Variants in U2AF1 observed in about 807,000 individuals in gnomAD.
U2AF1 encodes the protein U2 small nuclear RNA auxiliary factor 1, also known as splicing factor U2AF 35 kDa subunit.
For synonymous variants in U2AF1, 8 were observed against 27.2 expected, an observed-to-expected ratio of 0.29 and a Z score of 2.20; for missense variants, 4 against 75.9, an observed-to-expected ratio of 0.05 and a Z score of 3.52.
At chr21:43,094,886 G>A in intron 5 of U2AF1, 98 bp from the exon 6 acceptor site, 1 of 668,922 alleles carries the variant, frequency 1.5e-6, no homozygotes, top group Non-Finnish European at 2.3e-6. Context: ...ACACACTCAG[G>A]TATAGTAAGG....
At position 43,097,582 on chromosome 21, in the gene U2AF1, G is replaced by A. The variant is rs945651220; in HGVS notation, c.200-1839C>T. On this transcript the variant is annotated intron_variant, in intron 3 of 7. Transcript: ENST00000291552. ...CACCCAACGTGGGCATCTGACTGCT[G>A]GCACACGGGTCTTTGAGCTTGCTCA... is the stretch of plus-strand genomic sequence containing the variant. 5 of 76,872 alleles carry A rather than the reference G, an allele frequency of 6.5e-5. 2 individuals carry two copies. Among genetic ancestry groups the A allele is most frequent in the Non-Finnish European group, 1.3e-4 (5 of 38,422 alleles). The allele number at this position is 76,872 out of a possible 1,614,324, so 4.8% of individuals were successfully genotyped here.
At chr21:43,097,928 A>G (rs537434976) in intron 3 of U2AF1, 1 of 110,522 alleles carries the variant, frequency 9.0e-6, no homozygotes, top group Non-Finnish European at 1.9e-5. Flanking sequence ...GTTATTTTTG[A>G]ACTTCCAGGA....
rs1984840123 is a variant in U2AF1, at chr21:43,107,232, A to G, written c.44+219T>C. ...CCGCGGCGCCCCGAAAAGAGACCCC[A>G]TTCATTCTGCCCGCTCCAGTTTTCC... On this transcript the variant is annotated intron_variant, in intron 1 of 7. Transcript: ENST00000291552. 3.6e-5 allele frequency among the ~76,000 whole-genome samples: 4 copies of G among 110,880 alleles called. 1 individual carries two copies. In the South Asian group the frequency reaches 9.9e-4, roughly 27 times the overall value. 72.7% of individuals were successfully genotyped at this position (110,880 alleles called of 152,430 possible).
At chr21:43,107,212 G>A (rs1254734463) in intron 1 of U2AF1, among the ~76,000 whole-genome samples, 1 of 112,796 alleles carries the variant, frequency 8.9e-6, no homozygotes, top group East Asian at 2.0e-4. Flanking sequence ...CTCGGCCGCG[G>A]CGCCCCGAAA....
At chr21:43,107,030 C>G (rs529128321) in intron 1 of U2AF1, among the ~76,000 whole-genome samples, 3 of 75,430 alleles carry the variant, frequency 4.0e-5, no homozygotes, top group Non-Finnish European at 8.1e-5. Context: ...GGTACCAGAG[C>G]TTGCTCGACA....
At position 43,107,553 on chromosome 21, in the gene U2AF1, A is replaced by AGT. The variant is rs1179748027; in HGVS notation, c.-60_-59insAC. The AGT allele has an allele frequency of 3.1e-6, 3 of 976,112 alleles. No homozygotes were observed. The highest frequency in any genetic ancestry group is 4.2e-6 in the Non-Finnish European group (3 of 708,054). The allele number at this position is 976,112 out of a possible 1,614,324, so 60.5% of individuals were successfully genotyped here. On this transcript the variant is annotated 5_prime_UTR_variant, in exon 1 of 8. Transcript: ENST00000291552. Reference sequence around the variant, plus strand: ...GCTGCCGACGCCGCCGACCCTGCCGACGCCCTCGGGAGACGTCACCCGGAC... The same window carrying AGT: ...GCTGCCGACGCCGCCGACCCTGCCGAGTCGCCCTCGGGAGACGTCACCCGGAC...
intron 3 of U2AF1, chr21:43,099,904 G>A (rs1172046614): frequency 1.2e-5 from 1 of 85,172 alleles, no homozygotes; most frequent in Admixed American, 1.2e-4. Flanking sequence ...AGGAAGAAGG[G>A]GCAGCAGCAG....
chr21:43,099,742 A>G (rs904586198), intron 3 of U2AF1: 1 of 6,122 alleles, frequency 1.6e-4, no homozygotes, highest in Non-Finnish European at 2.5e-4. Flanking sequence ...AAGGCTAATG[A>G]GAAATAAAAT....
intron 3 of U2AF1, among the ~76,000 whole-genome samples, chr21:43,097,354 G>C (rs191135621): frequency 8.1e-5 from 1 of 12,384 alleles, no homozygotes; most frequent in Middle Eastern, 0.017. Flanking sequence ...CTGACCTCAC[G>C]TGATCTGCTT....
chr21:43,097,372 C>A lies in U2AF1; in HGVS notation c.200-1629G>T, dbSNP rs142677101. Reference sequence around the variant, plus strand: ...ACCTCACGTGATCTGCTTACCTCAGCCTCCCAAAGTGCTGAGATTACAGGC... The same window carrying A: ...ACCTCACGTGATCTGCTTACCTCAGACTCCCAAAGTGCTGAGATTACAGGC... On this transcript the variant is annotated intron_variant, in intron 3 of 7. Coordinates refer to ENST00000291552, the MANE Select transcript of U2AF1 (RefSeq NM_006758.3). 5.3e-3 allele frequency among the ~76,000 whole-genome samples: 82 copies of A among 15,534 alleles called. 6 individuals carry two copies. The highest frequency in any genetic ancestry group is 0.033 in the African/African-American group (78 of 2,352). 10.2% of individuals were successfully genotyped at this position (15,534 alleles called of 152,430 possible).
chr21:43,107,241 G>C (rs1970689), intron 1 of U2AF1, among the ~76,000 whole-genome samples: 7,220 of 109,604 alleles, frequency 0.066, 2,474 homozygotes, highest in African/African-American at 0.27. Flanking sequence ...CATTCATTCT[G>C]CCCGCTCCAG....
Position 43,099,898 on chromosome 21 carries a change from A to G in U2AF1, c.199+555T>C, listed in dbSNP as rs1984495995. ...CTAGGATGACGGCCAAAGTAAAGGAAGAAGGGGCAGCAGCAGCTCCAGACT... is the reference window on the plus strand; with the variant it reads ...CTAGGATGACGGCCAAAGTAAAGGAGGAAGGGGCAGCAGCAGCTCCAGACT... On this transcript the variant is annotated intron_variant, in intron 3 of 7. Transcript: ENST00000291552. 2.4e-5 allele frequency: 2 copies of G among 84,488 alleles called. 1 individual carries two copies. Among genetic ancestry groups the G allele is most frequent in the African/African-American group, 1.5e-4 (2 of 13,732 alleles). 5.2% of individuals were successfully genotyped at this position (84,488 alleles called of 1,614,324 possible). A position where few individuals can be genotyped will look rare whatever the true frequency, so the allele number is the denominator to read the frequency against.
In U2AF1 at chr21:43,107,349, C is replaced by T. The variant is rs1289557416; in HGVS notation, c.44+102G>A. On this transcript the variant is annotated intron_variant, in intron 1 of 7. Transcript: ENST00000291552. ...CCCGCCGCGCGCCCCTCCCCCGCCA[C>T]CGCCGCGCCGGCCCGCCTGGGCCTC... is the stretch of plus-strand genomic sequence containing the variant. 26 of 248,102 alleles carry T rather than the reference C, an allele frequency of 1.0e-4. 7 individuals carry two copies. Among genetic ancestry groups the T allele is most frequent in the Non-Finnish European group, 4.3e-5 (6 of 138,090 alleles). 15.4% of individuals were successfully genotyped at this position (248,102 alleles called of 1,614,324 possible). A position where few individuals can be genotyped will look rare whatever the true frequency, so the allele number is the denominator to read the frequency against.
chr21:43,097,558 A>G (rs529427875), intron 3 of U2AF1: 1 of 68,950 alleles, frequency 1.5e-5, no homozygotes, highest in East Asian at 2.6e-4. Context: ...TAGCCTGTGC[A>G]CCCAACGTGG....
Position 43,095,381 on chromosome 21 carries a change from T to G in U2AF1, c.348+57A>C, listed in dbSNP as rs1984262393. 1.2e-5 allele frequency: 10 copies of G among 823,388 alleles called. 2 individuals are homozygous for G. The South Asian group carries it at 1.5e-4, about 13-fold the overall frequency. 51.0% of individuals were successfully genotyped at this position (823,388 alleles called of 1,614,324 possible). A position where few individuals can be genotyped will look rare whatever the true frequency, so the allele number is the denominator to read the frequency against. ...TGCACCACTGTCTCGCTTTCGCCTGTTGGCCTTGGCCCTGGCACACTAAGC... is the reference window on the plus strand; with the variant it reads ...TGCACCACTGTCTCGCTTTCGCCTGGTGGCCTTGGCCCTGGCACACTAAGC... On this transcript the variant is annotated intron_variant, in intron 5 of 7. Coordinates refer to ENST00000291552, the MANE Select transcript of U2AF1 (RefSeq NM_006758.3).
Position 43,094,823 on chromosome 21 carries a change from C to T in U2AF1, c.349-35G>A, listed in dbSNP as rs201013690. 2.1e-5 allele frequency: 20 copies of T among 948,462 alleles called. 3 individuals carry two copies. The highest frequency in any genetic ancestry group is 1.5e-4 in the South Asian group (10 of 65,350). 58.8% of individuals were successfully genotyped at this position (948,462 alleles called of 1,614,324 possible). ...CAAAAACAGAAGTGCTTGCCATCCA[C>T]GCTTTAATAAGACTTTCTCAATTAC... On this transcript the variant is annotated intron_variant, in intron 5 of 7. Coordinates refer to ENST00000291552, the MANE Select transcript of U2AF1 (RefSeq NM_006758.3).
intron 3 of U2AF1, among the ~76,000 whole-genome samples, chr21:43,096,934 CA>C (rs1270308026): frequency 9.4e-6 from 1 of 106,100 alleles, no homozygotes; most frequent in East Asian, 2.0e-4. Context: ...CTCGGCCTCC[CA>C]AAGTGCTGGG....
chr21:43,097,554 G>A lies in U2AF1; in HGVS notation c.200-1811C>T, dbSNP rs1477789104. The A allele has an allele frequency of 8.4e-5, 6 of 71,068 alleles. 2 individuals are homozygous for A. The Admixed American group carries it at 9.3e-4, about 11-fold the overall frequency. 4.4% of individuals were successfully genotyped at this position (71,068 alleles called of 1,614,324 possible). A position where few individuals can be genotyped will look rare whatever the true frequency, so the allele number is the denominator to read the frequency against. On this transcript the variant is annotated intron_variant, in intron 3 of 7. Transcript: ENST00000291552. ...CAGATTGGGCCGGCTGCCTTAGCCT[G>A]TGCACCCAACGTGGGCATCTGACTG...
At chr21:43,098,384 GGATT>G (rs1984430342) in intron 3 of U2AF1, 1 of 26,800 alleles carries the variant, frequency 3.7e-5, no homozygotes, top group Non-Finnish European at 7.1e-5. Context: ...TCTTAAACTG[GGATT>G]GATAGTTAAC....
Sources: allele counts gnomAD v4.1 joint callset (sites outside exome capture counted in the v4.1 genomes callset), GRCh38; gene constraint gnomAD v4.1.1; transcripts MANE v1.5; gene names NCBI Gene and HGNC (gene_info 2026-07-23, HGNC 2026-07-21).